DNAJC16: variants seen among roughly 807,000 people sequenced by gnomAD.
DNAJC16 encodes dnaJ homolog subfamily C member 16.
DNAJC16 carries 76 observed loss-of-function variants against 92.7 expected under a neutral mutation model. The ratio of observed to expected loss-of-function variants is 0.82; its 90% confidence interval spans 0.68 to 0.99. The LOEUF (loss-of-function observed/expected upper bound fraction) is 0.99, where lower values mean the gene tolerates loss of function less well. Ranked by LOEUF, DNAJC16 falls within the 50% of genes least tolerant of loss-of-function variation. The probability of loss-of-function intolerance (pLI) is 0.00; values close to 1 mark genes in which losing one functional copy is unlikely to be tolerated. For synonymous variants in DNAJC16, 328 were observed against 358.7 expected (o/e 0.91, Z 0.97); for missense variants, 869 against 942.4 (o/e 0.92, Z 1.02).
rs1303412152 is a variant in DNAJC16 at position 15,544,515 on chromosome 1, A to G, written c.691A>G (p.Asn231Asp). ...IINGKISFFH[N>D]AVVRENLRQF... is the part of the protein sequence containing the mutation. ...TAACGGGAAAATCTCCTTCTTCCACAATGCAGTTGTCCGTGAAAATCTGCG... is the reference window on the plus strand; with the variant it reads ...TAACGGGAAAATCTCCTTCTTCCACGATGCAGTTGTCCGTGAAAATCTGCG... The change falls in exon 5 of 15, where the codon AAT becomes GAT. Residue 231 changes from asparagine (N) to aspartate (D), a missense_variant. By Grantham distance (23) the Asn-to-Asp change is conservative. Transcript: ENST00000375847. 1.2e-6 allele frequency: 2 copies of G among 1,614,204 alleles called. No homozygotes were observed. The highest frequency in any genetic ancestry group is 1.7e-5 in the Admixed American group (1 of 60,024).
In DNAJC16 at chr1:15,548,468, T is replaced by G. The variant is rs776851419; in HGVS notation, c.1023+40T>G. 5.2e-6 allele frequency: 8 copies of G among 1,549,966 alleles called. No homozygotes were observed. In the South Asian group the frequency reaches 9.9e-5, roughly 19 times the overall value. On this transcript the variant is annotated intron_variant, in intron 7 of 14. Coordinates refer to ENST00000375847, the MANE Select transcript of DNAJC16 (RefSeq NM_015291.4). ...CCTTGGTTAAGATTTTCTTCACATTTTATCCCAAGATTTTATGTAAATAAA... is the reference window on the plus strand; with the variant it reads ...CCTTGGTTAAGATTTTCTTCACATTGTATCCCAAGATTTTATGTAAATAAA...
chr1:15,568,077 C>T lies in DNAJC16; in HGVS notation c.2249C>T (p.Pro750Leu). Residue 750 changes from proline (P) to leucine (L), a missense_variant, in exon 15 of 15, where the codon CCC becomes CTC. By Grantham distance (98) the Pro-to-Leu change is moderately conservative (BLOSUM62 -3). Transcript: ENST00000375847. ...GKPSCGLGSR[P>L]IKGKLSKLSL... is the part of the protein sequence containing the mutation. ...CCTTCCTGTGGCCTTGGATCCAGGC[C>T]CATCAAAGGAAAGTTGAGCAAGCTC... is the stretch of plus-strand genomic sequence containing the variant. 2 of 1,614,154 alleles carry T rather than the reference C, an allele frequency of 1.2e-6. No individual in the cohort carries two copies. The highest frequency in any genetic ancestry group is 1.7e-6 in the Non-Finnish European group (2 of 1,180,026).
chr1:15,537,188 CT>C (rs1366078886), intron 4 of DNAJC16, among the ~76,000 whole-genome samples: 1 of 152,098 alleles, frequency 6.6e-6, no homozygotes, highest in African/African-American at 2.4e-5. Context: ...TCTATAAACC[CT>C]TTTTGAAAAT....
In DNAJC16 at chr1:15,565,931, G is replaced by C; in HGVS notation, c.1611G>C (p.Met537Ile). 1 of 1,613,782 alleles carries C rather than the reference G, an allele frequency of 6.2e-7. No individual in the cohort carries two copies. The highest frequency in any genetic ancestry group is 1.3e-5 in the African/African-American group (1 of 74,932). Reference sequence around the variant, plus strand: ...AATTTGGTTTTAGGAGGGAAATGATGCCCCTGCTGTCCCTGATCTTCTCTG... The same window carrying C: ...AATTTGGTTTTAGGAGGGAAATGATCCCCCTGCTGTCCCTGATCTTCTCTG... The part of the protein sequence containing the change: ...SIFHNNWREM[M>I]PLLSLIFSAL... Residue 537 changes from methionine (M) to isoleucine (I), a missense_variant, in exon 12 of 15, where the codon ATG becomes ATC. By Grantham distance (10) the Met-to-Ile change is conservative. Transcript: ENST00000375847.
At chr1:15,559,385 C>T in intron 7 of DNAJC16, 141 bp from the exon 8 acceptor site, 1 of 1,109,536 alleles carries the variant, frequency 9.0e-7, no homozygotes, top group Non-Finnish European at 1.3e-6. Flanking sequence ...TGTTTATTCG[C>T]TCAAACAGGT....
rs1258838224 is a variant in DNAJC16 at position 15,569,840 on chromosome 1, T to G, written c.*1663T>G. On this transcript the variant is annotated 3_prime_UTR_variant, in exon 15 of 15. Transcript: ENST00000375847. ...TTTTGTATTTTTAGTAGAGACGGGA[T>G]TTCTCCATGTTGATCAGGCTGGTCA... 6.6e-6 allele frequency: 1 copy of G among 152,064 alleles called. No homozygotes were observed. The highest frequency in any genetic ancestry group is 1.9e-4 in the East Asian group (1 of 5,186). The allele number at this position is 152,064 out of a possible 1,614,324, so 9.4% of individuals were successfully genotyped here.
In DNAJC16 at chr1:15,569,704, G is replaced by A. The variant is rs2145397; in HGVS notation, c.*1527G>A. 41,741 of 150,094 alleles carry A rather than the reference G, an allele frequency of 0.28. 6,660 individuals are homozygous for A. Among genetic ancestry groups the A allele is most frequent in the African/African-American group, 0.43 (17,446 of 40,668 alleles). The allele number at this position is 150,094 out of a possible 1,614,324, so 9.3% of individuals were successfully genotyped here. A position where few individuals can be genotyped will look rare whatever the true frequency, so the allele number is the denominator to read the frequency against. ...TGCCCAGGCTGGAGTGAAATGGTGC[G>A]ATCTCGGTTCACCGCAACCTCCACA... On this transcript the variant is annotated 3_prime_UTR_variant, in exon 15 of 15. Transcript: ENST00000375847.
In DNAJC16 at chr1:15,529,181, T is replaced by C; in HGVS notation, c.76T>C (p.Leu26=). 6.2e-7 allele frequency: 1 copy of C among 1,614,152 alleles called. No individual in the cohort carries two copies. The highest frequency in any genetic ancestry group is 8.5e-7 in the Non-Finnish European group (1 of 1,180,020). The part of the protein sequence containing the change: ...LVLILQILSA[L]DFDPYRVLGV... ...TCTGATCCTGCAAATTCTGTCTGCG[T>C]TGGATTTTGACCCATACAGAGTCCT... is the stretch of plus-strand genomic sequence containing the variant. Residue 26 remains leucine, a synonymous_variant, in exon 2 of 15, where the codon TTG becomes CTG. Coordinates refer to ENST00000375847, the MANE Select transcript of DNAJC16 (RefSeq NM_015291.4).
intron 4 of DNAJC16, among the ~76,000 whole-genome samples, chr1:15,537,519 A>C (rs2103406797): frequency 6.6e-6 from 1 of 152,348 alleles, no homozygotes; most frequent in Non-Finnish European, 1.5e-5. Context: ...AAAGATGACA[A>C]GAAATTCCTT....
At position 15,569,597 on chromosome 1, in the gene DNAJC16, T is replaced by G. The variant is rs1464449071; in HGVS notation, c.*1420T>G. 6 of 151,438 alleles carry G rather than the reference T, an allele frequency of 4.0e-5. No homozygotes were observed. The highest frequency in any genetic ancestry group is 8.8e-5 in the Non-Finnish European group (6 of 67,946). 9.4% of individuals were successfully genotyped at this position (151,438 alleles called of 1,614,324 possible). A position where few individuals can be genotyped will look rare whatever the true frequency, so the allele number is the denominator to read the frequency against. ...GTGCCTTTGGTGGCTTTGTGAAGGG[T>G]GAAAATCAGTGATGGGACATTTACT... On this transcript the variant is annotated 3_prime_UTR_variant, in exon 15 of 15. Coordinates refer to ENST00000375847, the MANE Select transcript of DNAJC16 (RefSeq NM_015291.4).
chr1:15,544,180 A>G (rs931317345), intron 4 of DNAJC16, among the ~76,000 whole-genome samples: 1 of 151,208 alleles, frequency 6.6e-6, no homozygotes. Flanking sequence ...ACACACACAC[A>G]CACACATTTG....
chr1:15,540,912 TC>T (rs1464996441), intron 4 of DNAJC16, among the ~76,000 whole-genome samples: 3 of 152,242 alleles, frequency 2.0e-5, no homozygotes, highest in Admixed American at 2.0e-4. Flanking sequence ...GAGAAATTGA[TC>T]CCTCTAATGT....
chr1:15,545,575 C>T (rs1003678799), intron 5 of DNAJC16, among the ~76,000 whole-genome samples: 1 of 152,142 alleles, frequency 6.6e-6, no homozygotes, highest in African/African-American at 2.4e-5. Flanking sequence ...GACCCTTGGA[C>T]CAGGTTGGGT....
intron 4 of DNAJC16, among the ~76,000 whole-genome samples, chr1:15,544,052 G>T (rs753073097): frequency 2.0e-5 from 3 of 151,966 alleles, no homozygotes; most frequent in African/African-American, 4.8e-5. Flanking sequence ...AGAGTAACTG[G>T]CCCTCCAAAT....
intron 4 of DNAJC16, among the ~76,000 whole-genome samples, chr1:15,538,254 G>T (rs1427781307): frequency 6.6e-6 from 1 of 151,978 alleles, no homozygotes; most frequent in East Asian, 1.9e-4. Flanking sequence ...AATCAGCCAG[G>T]AGTGGTGGCG....
chr1:15,551,836 C>T (rs1331470726), intron 7 of DNAJC16, among the ~76,000 whole-genome samples: 3 of 151,766 alleles, frequency 2.0e-5, no homozygotes, highest in African/African-American at 2.4e-5. Flanking sequence ...AGTTCAAGAC[C>T]AGCCTGGCCA....
At chr1:15,545,706 C>T (rs1252977366) in intron 5 of DNAJC16, among the ~76,000 whole-genome samples, 1 of 152,202 alleles carries the variant, frequency 6.6e-6, no homozygotes, top group Non-Finnish European at 1.5e-5. Context: ...GGCCTCAGAG[C>T]ACCTTCACGC....
chr1:15,546,643 T>TA, intron 5 of DNAJC16, 124 bp from the exon 6 acceptor site: 5 of 687,308 alleles, frequency 7.3e-6, no homozygotes, highest in Non-Finnish European at 1.2e-5. Context: ...AAAGATTAGT[T>TA]ATCTGCATTT....
chr1:15,558,171 CTTTTTTTTT>C (rs1184997158), intron 7 of DNAJC16, among the ~76,000 whole-genome samples: 1 of 117,808 alleles, frequency 8.5e-6, no homozygotes, highest in African/African-American at 3.4e-5. Context: ...ATACCCAGCC[CTTTTTTTTT>C]TTTTTTTTTT....
Sources: gnomAD v4.1 joint callset for allele counts (sites outside exome capture counted in the v4.1 genomes callset) on GRCh38, gnomAD v4.1.1 for gene constraint, MANE v1.5 for transcripts, NCBI Gene and HGNC (gene_info 2026-07-23, HGNC 2026-07-21) for gene names.